The following TCF7L1 variants were observed in gnomAD, a reference collection of about 807,000 sequenced individuals.
The protein encoded by TCF7L1 is transcription factor 7-like 1.
A neutral mutation model predicts 63.7 loss-of-function variants in TCF7L1; 18 were observed. That is an observed-to-expected ratio of 0.28 (90% CI 0.20 to 0.42). The LOEUF (loss-of-function observed/expected upper bound fraction) is 0.42. Among genes scored for constraint, TCF7L1 ranks in the 10% least tolerant of loss-of-function variants. The pLI is 1.00. For missense variants in TCF7L1, 654 were observed against 779.3 expected, an observed-to-expected ratio of 0.84 and a Z score of 1.91; for synonymous variants, 355 against 340.9, an observed-to-expected ratio of 1.04 and a Z score of -0.46.
intron 4 of TCF7L1, among the ~76,000 whole-genome samples, chr2:85,285,136 G>A (rs1681513361): frequency 6.6e-6 from 1 of 152,162 alleles, no homozygotes; most frequent in South Asian, 2.1e-4. Flanking sequence ...GGGAGGCTGA[G>A]GCAGGAGAAT....
intron 3 of TCF7L1, among the ~76,000 whole-genome samples, chr2:85,157,114 T>C (rs1678168106): frequency 6.6e-6 from 1 of 152,236 alleles, no homozygotes; most frequent in African/African-American, 2.4e-5. Flanking sequence ...TCAGTATATA[T>C]TTATTTACTG....
At chr2:85,142,808 C>A (rs1285819821) in intron 3 of TCF7L1, among the ~76,000 whole-genome samples, 1 of 152,208 alleles carries the variant, frequency 6.6e-6, no homozygotes, top group Non-Finnish European at 1.5e-5. Flanking sequence ...GTGCTGTATG[C>A]ACTGCCCAGG....
At chr2:85,200,755 G>T (rs947659823) in intron 3 of TCF7L1, among the ~76,000 whole-genome samples, 4 of 152,136 alleles carry the variant, frequency 2.6e-5, no homozygotes, top group Non-Finnish European at 5.9e-5. Context: ...CTTTTTACTG[G>T]AATAAGCAGT....
chr2:85,268,471 CT>C (rs554305734), intron 3 of TCF7L1, among the ~76,000 whole-genome samples: 7,273 of 134,674 alleles, frequency 0.054, 175 homozygotes, highest in Non-Finnish European at 0.076. Flanking sequence ...GATTGGATGC[CT>C]TTTTTTTTTT....
At chr2:85,294,328 G>A (rs879376881) in intron 4 of TCF7L1, among the ~76,000 whole-genome samples, 13 of 152,052 alleles carry the variant, frequency 8.5e-5, no homozygotes, top group Non-Finnish European at 1.6e-4. Flanking sequence ...GAGCCACCAC[G>A]CCTGGCCGAG....
chr2:85,273,424 C>T (rs539406087), intron 3 of TCF7L1, among the ~76,000 whole-genome samples: 2 of 152,298 alleles, frequency 1.3e-5, no homozygotes, highest in East Asian at 1.9e-4. Context: ...GAGGACAATT[C>T]GCAGCCTCAC....
intron 4 of TCF7L1, among the ~76,000 whole-genome samples, chr2:85,294,025 G>GGTTTTTTTT (rs1558658876): frequency 5.7e-5 from 4 of 70,560 alleles, no homozygotes; most frequent in Admixed American, 1.6e-4. Context: ...TGAACACTGG[G>GGTTTTTTTT]ATTTTTTTTT....
intron 3 of TCF7L1, among the ~76,000 whole-genome samples, chr2:85,193,109 GACC>G (rs1480825119): frequency 6.6e-6 from 1 of 152,172 alleles, no homozygotes; most frequent in South Asian, 2.1e-4. Flanking sequence ...TCCGCTGACT[GACC>G]ACCTTTGCTG....
intron 4 of TCF7L1, among the ~76,000 whole-genome samples, chr2:85,296,712 A>C (rs1255834162): frequency 6.6e-6 from 1 of 152,070 alleles, no homozygotes; most frequent in Non-Finnish European, 1.5e-5. Context: ...ATTCTTACTC[A>C]TGTCTCCCAG....
chr2:85,229,967 C>T (rs1680041184), intron 3 of TCF7L1, among the ~76,000 whole-genome samples: 1 of 152,204 alleles, frequency 6.6e-6, no homozygotes, highest in Non-Finnish European at 1.5e-5. Flanking sequence ...GAGATAGTGC[C>T]AGTAACACTC....
At chr2:85,207,700 G>T (rs560176799) in intron 3 of TCF7L1, among the ~76,000 whole-genome samples, 1 of 151,816 alleles carries the variant, frequency 6.6e-6, no homozygotes, top group Admixed American at 6.6e-5. Context: ...ACAATTTTTT[G>T]ATTTTATGGT....
intron 11 of TCF7L1, among the ~76,000 whole-genome samples, chr2:85,308,181 A>G (rs72934702): frequency 0.16 from 24,322 of 152,058 alleles, 2,661 homozygotes; most frequent in African/African-American, 0.31. Context: ...TGTCAAAACC[A>G]TGTATAAAAT....
At chr2:85,253,209 A>AT (rs1316740566) in intron 3 of TCF7L1, among the ~76,000 whole-genome samples, 6 of 152,232 alleles carry the variant, frequency 3.9e-5, no homozygotes, top group African/African-American at 1.4e-4. Context: ...GGGATTTTTC[A>AT]TTGTGTAGCA....
intron 3 of TCF7L1, among the ~76,000 whole-genome samples, chr2:85,210,933 A>G (rs1462499571): frequency 6.6e-6 from 1 of 152,228 alleles, no homozygotes; most frequent in Non-Finnish European, 1.5e-5. Flanking sequence ...GGCAGAGCCC[A>G]GGAACCTGCG....
intron 3 of TCF7L1, among the ~76,000 whole-genome samples, chr2:85,190,442 T>G (rs904787303): frequency 2.6e-5 from 4 of 152,132 alleles, no homozygotes; most frequent in African/African-American, 9.7e-5. Flanking sequence ...AGGCCAGTCT[T>G]GGGTGGCTGG....
At chr2:85,195,299 C>T (rs753814) in intron 3 of TCF7L1, among the ~76,000 whole-genome samples, 35,152 of 152,094 alleles carry the variant, frequency 0.23, 4,704 homozygotes, top group Non-Finnish European at 0.31. Flanking sequence ...GAAATGTTAA[C>T]GTGCATGGGA....
At chr2:85,287,013 A>G (rs761861576) in intron 4 of TCF7L1, among the ~76,000 whole-genome samples, 7 of 152,192 alleles carry the variant, frequency 4.6e-5, no homozygotes, top group Non-Finnish European at 1.0e-4. Flanking sequence ...CCTCTGAGAA[A>G]TGAAAGAAAA....
intron 3 of TCF7L1, among the ~76,000 whole-genome samples, chr2:85,174,548 A>G (rs888447492): frequency 5.9e-5 from 9 of 152,034 alleles, no homozygotes; most frequent in African/African-American, 2.2e-4. Flanking sequence ...TTAACTGGTC[A>G]CTGTCAACTC....
At chr2:85,200,666 A>T (rs1302875297) in intron 3 of TCF7L1, among the ~76,000 whole-genome samples, 1 of 152,146 alleles carries the variant, frequency 6.6e-6, no homozygotes, top group Non-Finnish European at 1.5e-5. Context: ...GGCACTTCAT[A>T]TGGGGCTCAT....
Sources: gnomAD v4.1 joint callset for allele counts (sites outside exome capture counted in the v4.1 genomes callset) on GRCh38, gnomAD v4.1.1 for gene constraint, MANE v1.5 for transcripts, NCBI Gene and HGNC (gene_info 2026-07-23, HGNC 2026-07-21) for gene names.